The following ITGAD variants were observed in gnomAD, a reference collection of about 807,000 sequenced individuals.
ITGAD encodes integrin subunit alpha D.
ITGAD carries 105 observed loss-of-function variants against 139.0 expected under a neutral mutation model. The ratio of observed to expected loss-of-function variants is 0.76; its 90% confidence interval spans 0.65 to 0.89. ITGAD has a LOEUF of 0.89. ITGAD is among the 40% of genes least tolerant of loss of function. ITGAD has a pLI of 0.00. For synonymous variants in ITGAD, 569 were observed against 598.3 expected, an observed-to-expected ratio of 0.95 and a Z score of 0.71; for missense variants, 1,384 against 1,487.3, an observed-to-expected ratio of 0.93 and a Z score of 1.14.
In ITGAD at chr16:31,414,897, A is replaced by G; in HGVS notation, c.2189A>G (p.His730Arg). ...VEDVVSPIIL[H>R]LNFSLVREPI... is the part of the protein sequence containing the mutation. ...GATGTGGTGAGCCCCATCATTCTGC[A>G]CCTCAACTTCTCACTGGTGAGAGAG... Residue 730 changes from histidine to arginine, a missense_variant, in exon 18 of 30, where the codon CAC becomes CGC. Coordinates refer to ENST00000389202, the MANE Select transcript of ITGAD (RefSeq NM_005353.3). The G allele has an allele frequency of 6.2e-7, 1 of 1,613,904 alleles. No individual in the cohort carries two copies. Among genetic ancestry groups the G allele is most frequent in the Non-Finnish European group, 8.5e-7 (1 of 1,179,972 alleles).
intron 4 of ITGAD, 40 bp downstream of exon 4, chr16:31,397,706 C>CCCCGG: frequency 5.3e-5 from 16 of 299,916 alleles, no homozygotes; most frequent in East Asian, 7.8e-5. Context: ...TGGGGTGGGG[C>CCCCGG]GGGGGGTGTT....
rs763955268 is a variant in ITGAD at position 31,416,676 on chromosome 16, G to T, written c.2499+30G>T. On this transcript the variant is annotated intron_variant, in intron 20 of 29. Transcript: ENST00000389202. ...CAACTGCTGTAGGCTCTAGTGGGAG[G>T]GGGCCTCTCCCCTGCCCTGTAGCCC... is the stretch of plus-strand genomic sequence containing the variant. The T allele has an allele frequency of 1.9e-6, 3 of 1,584,472 alleles. No homozygotes were observed. In the East Asian group the frequency reaches 6.8e-5, roughly 36 times the overall value.
chr16:31,401,499 T>TG (rs1386545354), intron 5 of ITGAD, among the ~76,000 whole-genome samples: 1 of 152,042 alleles, frequency 6.6e-6, no homozygotes, highest in Non-Finnish European at 1.5e-5. Flanking sequence ...GGGTGGGGTC[T>TG]GGGGTGGATC....
intron 15 of ITGAD, 44 bp downstream of exon 15, chr16:31,413,012 T>G: frequency 6.2e-7 from 1 of 1,603,128 alleles, no homozygotes; most frequent in South Asian, 1.1e-5. Context: ...TGTGTCTGAT[T>G]CACCGGTGCT....
At chr16:31,394,661 C>T (rs1453133749) in intron 2 of ITGAD, among the ~76,000 whole-genome samples, 1 of 152,146 alleles carries the variant, frequency 6.6e-6, no homozygotes. Context: ...TGCCCTTGAC[C>T]TCTTGAAATT....
chr16:31,416,143 T>G (rs1476190479), intron 18 of ITGAD, 70 bp from the exon 19 acceptor site: 1 of 1,269,174 alleles, frequency 7.9e-7, no homozygotes, highest in South Asian at 1.3e-5. Flanking sequence ...TGTTGGAGAG[T>G]GCTTCTAAGG....
chr16:31,409,837 A>G (rs1401655150), intron 10 of ITGAD, among the ~76,000 whole-genome samples: 2 of 148,372 alleles, frequency 1.3e-5, no homozygotes, highest in Non-Finnish European at 3.0e-5. Flanking sequence ...GCATGAGTCC[A>G]GGAGTTCAAG....
chr16:31,408,240 G>A (rs1377416876), intron 9 of ITGAD, among the ~76,000 whole-genome samples, 185 bp from the exon 10 acceptor site: 1 of 152,152 alleles, frequency 6.6e-6, no homozygotes, highest in Non-Finnish European at 1.5e-5. Context: ...TCAAAGTGCT[G>A]GGATTACAGG....
At chr16:31,408,618 G>C (rs2081600465) in intron 10 of ITGAD, 120 bp downstream of exon 10, 1 of 831,756 alleles carries the variant, frequency 1.2e-6, no homozygotes, top group Non-Finnish European at 1.9e-6. Context: ...GCCAGGGAGA[G>C]GCCCCCACGC....
At chr16:31,410,652 T>C (rs1597136183) in intron 11 of ITGAD, 84 bp from the exon 12 acceptor site, 4 of 683,836 alleles carry the variant, frequency 5.8e-6, no homozygotes, top group Middle Eastern at 7.1e-4. Context: ...GGAGGGGAGA[T>C]GGGGGCTGCG....
chr16:31,403,685 C>T lies in ITGAD; in HGVS notation c.704+40C>T. On this transcript the variant is annotated intron_variant, in intron 7 of 29. Transcript: ENST00000389202. This position sits in a 1 kb window ranked among gnomAD's most constrained non-coding sequence, Gnocchi z 4.4. ...CCCCAGCCTGGCGATGTGACTGCCA[C>T]CCCCACTTCCTAACCCTGGGTCAGC... 1.2e-6 allele frequency: 2 copies of T among 1,611,222 alleles called. No homozygotes were observed. The highest frequency in any genetic ancestry group is 1.7e-6 in the Non-Finnish European group (2 of 1,177,900).
chr16:31,398,100 T>C (rs1181963634), intron 5 of ITGAD, among the ~76,000 whole-genome samples, 191 bp downstream of exon 5: 22 of 152,088 alleles, frequency 1.4e-4, no homozygotes. Context: ...TGCAGGGTTT[T>C]TCTTTATATT....
chr16:31,426,475 T>C lies in ITGAD; in HGVS notation c.*347T>C. The C allele has an allele frequency of 4.0e-6, 1 of 249,638 alleles. No individual in the cohort carries two copies. Among genetic ancestry groups the C allele is most frequent in the Admixed American group, 5.1e-5 (1 of 19,656 alleles). The allele number at this position is 249,638 out of a possible 1,614,324, so 15.5% of individuals were successfully genotyped here. On this transcript the variant is annotated 3_prime_UTR_variant, in exon 30 of 30. Transcript: ENST00000389202. ...TCTGGGAATAGTCGGGGGAACCTAT[T>C]TGTGGGCATTGAAAAAGTTTTTTCA... is the stretch of plus-strand genomic sequence containing the variant.
At chr16:31,414,723 G>T in intron 17 of ITGAD, 118 bp downstream of exon 17, 3 of 1,550,364 alleles carry the variant, frequency 1.9e-6, no homozygotes, top group Admixed American at 1.8e-5. Flanking sequence ...TGGAGAGAGG[G>T]ACATTAGGGC....
At chr16:31,394,145 A>C in intron 1 of ITGAD, 91 bp from the exon 2 acceptor site, 1 of 755,392 alleles carries the variant, frequency 1.3e-6, no homozygotes, top group Non-Finnish European at 2.1e-6. Context: ...AAAAAAAAAA[A>C]AAAAAGAAAA....
At chr16:31,421,454 T>C (rs908903205) in intron 23 of ITGAD, among the ~76,000 whole-genome samples, 1 of 145,230 alleles carries the variant, frequency 6.9e-6, no homozygotes, top group African/African-American at 2.6e-5. Flanking sequence ...TGAGAACCCA[T>C]CTCTACCAAA....
chr16:31,418,463 C>T lies in ITGAD; in HGVS notation c.2697-18C>T. 1.2e-6 allele frequency: 2 copies of T among 1,611,860 alleles called. No homozygotes were observed. The highest frequency in any genetic ancestry group is 1.7e-6 in the Non-Finnish European group (2 of 1,177,966). On this transcript the variant is annotated intron_variant, in intron 22 of 29. Transcript: ENST00000389202. Reference sequence around the variant, plus strand: ...TCTCCTGGATTCCTTCCCATTGGTCCCTCCTTTCTGTCTCCAGTGAGAACA... The same window carrying T: ...TCTCCTGGATTCCTTCCCATTGGTCTCTCCTTTCTGTCTCCAGTGAGAACA...
rs546638226 is a variant in ITGAD, at chr16:31,413,218, C to T, written c.1968C>T (p.Thr656=). ...CTGGGGACGCCACCGTCTGTCTCACCATCCAGAAAAGCTCACTGGACCAGC... is the reference window on the plus strand; with the variant it reads ...CTGGGGACGCCACCGTCTGTCTCACTATCCAGAAAAGCTCACTGGACCAGC... The part of the protein sequence containing the change: ...LEAGDATVCL[T]IQKSSLDQLG... The change falls in exon 16 of 30, where the codon ACC becomes ACT. Residue 656 remains threonine (T), a synonymous_variant. Coordinates refer to ENST00000389202, the MANE Select transcript of ITGAD (RefSeq NM_005353.3). The T allele has an allele frequency of 7.4e-6, 12 of 1,613,992 alleles. No individual in the cohort carries two copies. The highest frequency in any genetic ancestry group is 5.5e-5 in the South Asian group (5 of 91,090).
chr16:31,410,767 G>T lies in ITGAD; in HGVS notation c.1245G>T (p.Gly415=). 1 of 1,613,336 alleles carries T rather than the reference G, an allele frequency of 6.2e-7. No homozygotes were observed. Among genetic ancestry groups the T allele is most frequent in the Non-Finnish European group, 8.5e-7 (1 of 1,179,840 alleles). Reference sequence around the variant, plus strand: ...CCACCGAGCTAGCCCTGTGGAAGGGGGTACAGAACCTGGTCCTGGGGGCCC... The same window carrying T: ...CCACCGAGCTAGCCCTGTGGAAGGGTGTACAGAACCTGGTCCTGGGGGCCC... ...GYSTELALWK[G]VQNLVLGAPR... The change falls in exon 12 of 30, where the codon GGG becomes GGT. Residue 415 remains glycine (G), a synonymous_variant. Coordinates refer to ENST00000389202, the MANE Select transcript of ITGAD (RefSeq NM_005353.3).
Sources: gnomAD v4.1 joint callset for allele counts (sites outside exome capture counted in the v4.1 genomes callset) on GRCh38, gnomAD v4.1.1 for gene constraint, Gnocchi (gnomAD v3.1) non-coding constraint, MANE v1.5 for transcripts, NCBI Gene and HGNC (gene_info 2026-07-23, HGNC 2026-07-21) for gene names.